The following TBC1D4 variants were observed in gnomAD, a reference collection of about 807,000 sequenced individuals.
TBC1D4 encodes the protein TBC1 domain family member 4.
Under a neutral mutation model 142.5 loss-of-function variants are expected in TBC1D4, and 121 were observed. The observed-to-expected ratio is 0.85, with a 90% confidence interval of 0.73 to 0.99. The LOEUF (loss-of-function observed/expected upper bound fraction) is 0.99. Ranked by LOEUF, TBC1D4 falls within the 50% of genes least tolerant of loss-of-function variation. The pLI is 0.00. For synonymous variants in TBC1D4, 630 were observed against 628.2 expected, an observed-to-expected ratio of 1.00 and a Z score of -0.04; for missense variants, 1,475 against 1,606.6, an observed-to-expected ratio of 0.92 and a Z score of 1.40.
chr13:75,359,651 TA>T, intron 3 of TBC1D4, 117 bp downstream of exon 3: 1 of 817,006 alleles, frequency 1.2e-6, no homozygotes, highest in Non-Finnish European at 1.9e-6. Flanking sequence ...CCTTTAAGAA[TA>T]AAAATTTAAA....
At chr13:75,359,924 A>G in intron 2 of TBC1D4, 66 bp from the exon 3 acceptor site, 1 of 1,221,180 alleles carries the variant, frequency 8.2e-7, no homozygotes, top group South Asian at 1.2e-5. Context: ...TTTATAACCA[A>G]ATATTAAACT....
intron 4 of TBC1D4, among the ~76,000 whole-genome samples, chr13:75,349,570 T>C (rs1209499077): frequency 6.6e-6 from 1 of 152,226 alleles, no homozygotes; most frequent in Non-Finnish European, 1.5e-5. Flanking sequence ...TCAAATTGCA[T>C]TGAGGGCTAT....
chr13:75,304,746 G>C (rs1442151557), intron 15 of TBC1D4, among the ~76,000 whole-genome samples: 1 of 152,094 alleles, frequency 6.6e-6, no homozygotes, highest in Non-Finnish European at 1.5e-5. Flanking sequence ...AGAGGAGTGA[G>C]AAGAGGATGG....
chr13:75,427,499 C>T (rs1416251406), intron 1 of TBC1D4, among the ~76,000 whole-genome samples: 1 of 152,080 alleles, frequency 6.6e-6, no homozygotes, highest in Non-Finnish European at 1.5e-5. Context: ...GCCTGGCCAA[C>T]ACAGAAAGAC....
intron 1 of TBC1D4, among the ~76,000 whole-genome samples, chr13:75,378,013 C>G (rs779887794): frequency 6.6e-6 from 1 of 152,026 alleles, no homozygotes; most frequent in East Asian, 1.9e-4. Context: ...AGTTTCAAAG[C>G]CATAAATTAC....
intron 1 of TBC1D4, among the ~76,000 whole-genome samples, chr13:75,472,085 C>G (rs1374655936): frequency 7.9e-6 from 1 of 126,342 alleles, no homozygotes; most frequent in Admixed American, 8.8e-5. Flanking sequence ...CCAGCCTGGG[C>G]AACAGAGCCA....
chr13:75,463,094 T>G (rs1156249207), intron 1 of TBC1D4, among the ~76,000 whole-genome samples: 1 of 152,034 alleles, frequency 6.6e-6, no homozygotes, highest in Admixed American at 6.6e-5. Flanking sequence ...TAACCATCAG[T>G]CAAACACCCA....
chr13:75,481,042 CTG>C (rs1888840277), intron 1 of TBC1D4, among the ~76,000 whole-genome samples: 4 of 152,228 alleles, frequency 2.6e-5, no homozygotes, highest in African/African-American at 9.6e-5. Context: ...CGGGTCCCTG[CTG>C]TAGCCGGCCG....
intron 1 of TBC1D4, among the ~76,000 whole-genome samples, chr13:75,472,123 A>AAAAAAAAG (rs1888434046): frequency 6.8e-6 from 1 of 146,898 alleles, no homozygotes. Flanking sequence ...AAAAAAAAAA[A>AAAAAAAAG]AAAGAAAAGA....
intron 1 of TBC1D4, among the ~76,000 whole-genome samples, chr13:75,449,085 T>C (rs889123399): frequency 6.6e-6 from 1 of 151,880 alleles, no homozygotes; most frequent in African/African-American, 2.4e-5. Context: ...TAATTATATA[T>C]CAATCACACT....
chr13:75,428,675 TTCCCCGGATTAGTTCCTCTTGA>T (rs1376824770), intron 1 of TBC1D4, among the ~76,000 whole-genome samples: 2 of 152,214 alleles, frequency 1.3e-5, no homozygotes, highest in Non-Finnish European at 2.9e-5. Context: ...GGCAACCCAG[TTCCCCGGATTAGTTCCTCTTGA>T]TCATTTTGAA....
At chr13:75,377,391 C>A (rs887296130) in intron 1 of TBC1D4, 2 of 152,140 alleles carry the variant, frequency 1.3e-5, no homozygotes, top group African/African-American at 4.8e-5. Flanking sequence ...TAACACCATG[C>A]TTTGAATCTG....
chr13:75,378,666 C>A (rs141125296), intron 1 of TBC1D4, among the ~76,000 whole-genome samples: 229 of 143,252 alleles, frequency 1.6e-3, no homozygotes, highest in African/African-American at 5.9e-3. Flanking sequence ...CTTATTCTCA[C>A]AACTATCCAA....
chr13:75,380,896 C>G (rs1049071018), intron 1 of TBC1D4, among the ~76,000 whole-genome samples: 3 of 152,126 alleles, frequency 2.0e-5, no homozygotes, highest in African/African-American at 7.2e-5. Context: ...AAAATGCCCT[C>G]TCTGTAACAT....
rs1292853702 is a variant in TBC1D4, at chr13:75,362,892, C to G, written c.499-285G>C. Among the ~76,000 whole-genome samples, 2 of 152,162 alleles carry G rather than the reference C, an allele frequency of 1.3e-5. No homozygotes were observed. The highest frequency in any genetic ancestry group is 2.4e-5 in the African/African-American group (1 of 41,432). ...TGAAACTATATAAGCCACTGCCAAC[C>G]TATTATGTCATAATATGTCTTTTGA... On this transcript the variant is annotated intron_variant, in intron 1 of 20. Transcript: ENST00000377636. The surrounding 1 kb of genome is among the most constrained non-coding windows in gnomAD (Gnocchi z 4.2).
At chr13:75,326,480 C>T in intron 9 of TBC1D4, 57 bp from the exon 10 acceptor site, 2 of 1,570,032 alleles carry the variant, frequency 1.3e-6, no homozygotes, top group South Asian at 1.1e-5. Context: ...GGCAGACCTG[C>T]CAAAACACAG....
intron 1 of TBC1D4, among the ~76,000 whole-genome samples, chr13:75,425,186 C>G (rs764281393): frequency 1.3e-5 from 2 of 151,760 alleles, no homozygotes; most frequent in African/African-American, 2.4e-5. Flanking sequence ...TGGACCTGAA[C>G]AAACATTTCT....
chr13:75,414,102 T>C (rs987480689), intron 1 of TBC1D4, among the ~76,000 whole-genome samples: 1 of 152,254 alleles, frequency 6.6e-6, no homozygotes, highest in African/African-American at 2.4e-5. Flanking sequence ...ACTGCAATAC[T>C]ACATCCGCAT....
chr13:75,353,057 AGGCCTGTTCTT>A (rs1390704538), intron 4 of TBC1D4, among the ~76,000 whole-genome samples: 1 of 152,192 alleles, frequency 6.6e-6, no homozygotes, highest in African/African-American at 2.4e-5. Flanking sequence ...ATCCTAGCAT[AGGCCTGTTCTT>A]AAGAATAATT....
Sources: allele counts gnomAD v4.1 joint callset (sites outside exome capture counted in the v4.1 genomes callset), GRCh38; gene constraint gnomAD v4.1.1; non-coding constraint Gnocchi (gnomAD v3.1); transcripts MANE v1.5; gene names NCBI Gene and HGNC (gene_info 2026-07-23, HGNC 2026-07-21).